The following RALYL variants were observed in gnomAD, a reference collection of about 807,000 sequenced individuals.
RALYL encodes the protein RNA-binding Raly-like protein.
Under a neutral mutation model 35.1 loss-of-function variants are expected in RALYL, and 29 were observed. The observed-to-expected ratio is 0.83, with a 90% confidence interval of 0.61 to 1.13. The LOEUF is 1.13. Ranked by LOEUF, RALYL falls within the 50% of genes most tolerant of loss-of-function variation. The probability of loss-of-function intolerance (pLI) is 0.00; values close to 1 mark genes in which losing one functional copy is unlikely to be tolerated. For missense variants in RALYL, 359 were observed against 360.4 expected (o/e 1.00, Z 0.03); for synonymous variants, 120 against 127.6 (o/e 0.94, Z 0.40).
chr8:84,693,829 T>C (rs1005576019), intron 2 of RALYL, among the ~76,000 whole-genome samples: 3 of 151,976 alleles, frequency 2.0e-5, no homozygotes, highest in African/African-American at 7.2e-5. Context: ...TCAATAAATG[T>C]GATTCACCGT....
At chr8:84,425,512 G>A (rs2046299015) in intron 1 of RALYL, among the ~76,000 whole-genome samples, 1 of 152,182 alleles carries the variant, frequency 6.6e-6, no homozygotes, top group South Asian at 2.1e-4. Context: ...CCCGTCTTCT[G>A]CGTCGCTCAC....
chr8:84,709,787 G>T (rs146160111), intron 2 of RALYL, among the ~76,000 whole-genome samples: 2 of 152,082 alleles, frequency 1.3e-5, no homozygotes, highest in East Asian at 1.9e-4. Context: ...TCAGCCAGGC[G>T]CAGTGTCTCA....
chr8:84,363,832 C>T (rs118149821), intron 1 of RALYL, among the ~76,000 whole-genome samples: 2,478 of 152,216 alleles, frequency 0.016, 28 homozygotes, highest in South Asian at 0.03. Flanking sequence ...ATACACACCC[C>T]GCTGCTGCTG....
intron 2 of RALYL, among the ~76,000 whole-genome samples, chr8:84,607,719 T>C (rs369951586): frequency 6.6e-6 from 1 of 152,228 alleles, no homozygotes; most frequent in South Asian, 2.1e-4. Context: ...CCTCTATCTG[T>C]ATGTCCACTA....
chr8:84,766,156 A>G (rs1813903163), intron 2 of RALYL, among the ~76,000 whole-genome samples: 1 of 152,126 alleles, frequency 6.6e-6, no homozygotes, highest in Non-Finnish European at 1.5e-5. Flanking sequence ...AATATAAAAT[A>G]TTTTCCTAAA....
chr8:84,836,446 T>C (rs1043701380), intron 4 of RALYL, among the ~76,000 whole-genome samples: 2 of 152,212 alleles, frequency 1.3e-5, no homozygotes, highest in Non-Finnish European at 2.9e-5. Context: ...ATTAGGTTTC[T>C]CCTCACTTTC....
rs1485641982 is a variant in RALYL, at chr8:84,433,738, CTT to C, written c.-23-95557_-23-95556del. On this transcript the variant is annotated intron_variant, in intron 1 of 8. Coordinates refer to ENST00000521268, the MANE Select transcript of RALYL (RefSeq NM_173848.7). ...TGGAACTGTAAGCCCAATTAAACCT[CTT>C]TTTCTTCCCAGTTTGGGGTATGTCT... is the stretch of plus-strand genomic sequence containing the variant. Among the ~76,000 whole-genome samples the C allele has an allele frequency of 3.9e-5, 6 of 151,928 alleles. No homozygotes were observed. In the East Asian group the frequency reaches 1.2e-3, roughly 29 times the overall value.
At chr8:84,515,033 T>C (rs1373196770) in intron 1 of RALYL, among the ~76,000 whole-genome samples, 1 of 152,210 alleles carries the variant, frequency 6.6e-6, no homozygotes, top group Non-Finnish European at 1.5e-5. Flanking sequence ...AAAATCAGTT[T>C]GGCTTCTGGT....
chr8:84,703,051 C>G (rs1262080747), intron 2 of RALYL, among the ~76,000 whole-genome samples: 8 of 152,052 alleles, frequency 5.3e-5, no homozygotes, highest in Non-Finnish European at 1.2e-4. Flanking sequence ...TCCCTTATGT[C>G]TATATTTTTT....
chr8:84,374,756 G>A (rs1286094750), intron 1 of RALYL, among the ~76,000 whole-genome samples: 1 of 151,738 alleles, frequency 6.6e-6, no homozygotes, highest in East Asian at 1.9e-4. Context: ...TAACTGTTGG[G>A]TACTAAGCTT....
At chr8:84,683,878 G>A (rs922120534) in intron 2 of RALYL, among the ~76,000 whole-genome samples, 1 of 152,120 alleles carries the variant, frequency 6.6e-6, no homozygotes, top group African/African-American at 2.4e-5. Context: ...TAGAGACCAA[G>A]TTTCACTATA....
intron 4 of RALYL, among the ~76,000 whole-genome samples, chr8:84,838,710 G>A (rs1250634056): frequency 6.6e-6 from 1 of 152,156 alleles, no homozygotes; most frequent in Non-Finnish European, 1.5e-5. Context: ...AAAAAAGCAG[G>A]TTGGACAAGA....
chr8:84,341,746 G>C (rs572851897), intron 1 of RALYL, among the ~76,000 whole-genome samples: 24 of 152,018 alleles, frequency 1.6e-4, no homozygotes, highest in African/African-American at 5.8e-4. Flanking sequence ...TAAGGATTTT[G>C]TTTGAAAATA....
chr8:84,241,648 C>A (rs773427581), intron 1 of RALYL, among the ~76,000 whole-genome samples: 4 of 151,724 alleles, frequency 2.6e-5, no homozygotes, highest in Non-Finnish European at 5.9e-5. Flanking sequence ...CTTGGGGGTG[C>A]GTGCCTGTAG....
intron 2 of RALYL, among the ~76,000 whole-genome samples, chr8:84,564,225 G>A (rs2061638169): frequency 6.6e-6 from 1 of 151,478 alleles, no homozygotes; most frequent in Admixed American, 6.6e-5. Flanking sequence ...CCTCCTGTAG[G>A]TGCTCTTATG....
intron 1 of RALYL, among the ~76,000 whole-genome samples, chr8:84,425,801 G>GTGTGTGTGTC (rs2046360049): frequency 6.6e-6 from 1 of 151,606 alleles, no homozygotes; most frequent in African/African-American, 2.4e-5. Flanking sequence ...GTGTGTGTGT[G>GTGTGTGTGTC]TGTGTGTGTG....
At chr8:84,850,873 T>C (rs1032337829) in intron 5 of RALYL, among the ~76,000 whole-genome samples, 2 of 152,156 alleles carry the variant, frequency 1.3e-5, no homozygotes, top group Non-Finnish European at 2.9e-5. Flanking sequence ...CTTGCCAGGG[T>C]CACTTCCCCT....
chr8:84,791,769 C>T (rs1045544500), intron 3 of RALYL, among the ~76,000 whole-genome samples: 6 of 152,148 alleles, frequency 3.9e-5, no homozygotes, highest in East Asian at 1.9e-4. Context: ...TCTGCTGCTA[C>T]GTAGCAAGAT....
At chr8:84,376,866 CA>C (rs1366330425) in intron 1 of RALYL, among the ~76,000 whole-genome samples, 1 of 151,766 alleles carries the variant, frequency 6.6e-6, no homozygotes, top group Non-Finnish European at 1.5e-5. Flanking sequence ...GAACTTGTAA[CA>C]AAGATGAGTG....
Sources: gnomAD v4.1 joint callset for allele counts (sites outside exome capture counted in the v4.1 genomes callset) on GRCh38, gnomAD v4.1.1 for gene constraint, MANE v1.5 for transcripts, NCBI Gene and HGNC (gene_info 2026-07-23, HGNC 2026-07-21) for gene names.